IPO11: variants seen among roughly 807,000 people sequenced by gnomAD.
The protein encoded by IPO11 is importin-11.
Under a neutral mutation model 143.2 loss-of-function variants are expected in IPO11, and 66 were observed. The observed-to-expected ratio is 0.46, with a 90% CI of 0.38 to 0.57. The LOEUF is 0.57. Ranked by LOEUF, IPO11 falls within the 20% of genes least tolerant of loss-of-function variation. The pLI is 0.00. For missense variants in IPO11, 1,026 were observed against 1,141.0 expected (o/e 0.90, Z 1.45); for synonymous variants, 385 against 377.8 (o/e 1.02, Z -0.22).
chr5:62,590,177 G>A (rs1744959238), intron 27 of IPO11, among the ~76,000 whole-genome samples: 1 of 152,178 alleles, frequency 6.6e-6, no homozygotes, highest in South Asian at 2.1e-4. Context: ...GGCTGTTCCA[G>A]TTGTCAGCTC....
chr5:62,576,361 T>A (rs1322334436), intron 27 of IPO11: 6 of 152,266 alleles, frequency 3.9e-5, no homozygotes, highest in Admixed American at 3.9e-4. Context: ...GCAAATCCCA[T>A]TTCACATTTT....
intron 6 of IPO11, among the ~76,000 whole-genome samples, chr5:62,469,833 T>C (rs1451474048): frequency 2.0e-5 from 3 of 152,206 alleles, no homozygotes; most frequent in Non-Finnish European, 4.4e-5. Flanking sequence ...GTTTAATTTT[T>C]ATATCGTTTT....
At chr5:62,449,675 A>G in intron 3 of IPO11, 1 of 277,076 alleles carries the variant, frequency 3.6e-6, no homozygotes, top group Non-Finnish European at 6.7e-6. Flanking sequence ...CTGATGTGCC[A>G]GTGTACAAGT....
intron 26 of IPO11, among the ~76,000 whole-genome samples, chr5:62,557,256 T>C (rs1743607038): frequency 6.6e-6 from 1 of 152,098 alleles, no homozygotes; most frequent in South Asian, 2.1e-4. Context: ...CGATCTCAGC[T>C]CACTGCAACC....
chr5:62,492,950 T>C (rs982189085), intron 15 of IPO11, among the ~76,000 whole-genome samples: 3 of 152,240 alleles, frequency 2.0e-5, no homozygotes, highest in Non-Finnish European at 4.4e-5. Context: ...ATATTTATCA[T>C]CTTGCCACTA....
chr5:62,521,402 C>G lies in IPO11; in HGVS notation c.1897-4740C>G, dbSNP rs1205027252. On this transcript the variant is annotated intron_variant, in intron 20 of 29. Transcript: ENST00000325324. Reference sequence around the variant, plus strand: ...TTTTGGAGACTTTTTTTTTCTTTGTCTTAAGACTTCCAAAATTGCTCTGGG... The same window carrying G: ...TTTTGGAGACTTTTTTTTTCTTTGTGTTAAGACTTCCAAAATTGCTCTGGG... Among the ~76,000 whole-genome samples the G allele has an allele frequency of 2.0e-5, 3 of 151,658 alleles. No homozygotes were observed. The East Asian group carries it at 5.8e-4, about 29-fold the overall frequency.
rs182830624 is a variant in IPO11, at chr5:62,506,175, G to A, written c.1666-66G>A. On this transcript the variant is annotated intron_variant, in intron 18 of 29. Transcript: ENST00000325324. The stretch of plus-strand genomic sequence containing the variant: ...TATGATTTATTTCTTACTTCTGTTC[G>A]TATGAATGTAGAGGTCTTTCATTTC... 4.8e-5 allele frequency: 37 copies of A among 769,054 alleles called. 1 individual carries two copies. The highest frequency in any genetic ancestry group is 3.9e-4 in the Middle Eastern group (1 of 2,594). 47.6% of individuals were successfully genotyped at this position (769,054 alleles called of 1,614,324 possible).
chr5:62,427,086 C>T (rs936301848), intron 1 of IPO11, among the ~76,000 whole-genome samples: 3 of 151,406 alleles, frequency 2.0e-5, no homozygotes, highest in Non-Finnish European at 2.9e-5. Flanking sequence ...TACAGGCGCC[C>T]GCCACCACAC....
At chr5:62,511,470 TA>T (rs1449170702) in intron 19 of IPO11, among the ~76,000 whole-genome samples, 1 of 152,110 alleles carries the variant, frequency 6.6e-6, no homozygotes, top group Admixed American at 6.5e-5. Context: ...ATAAATATGT[TA>T]AAATAAGGTA....
intron 5 of IPO11, among the ~76,000 whole-genome samples, chr5:62,460,291 A>G (rs1466070711): frequency 6.6e-6 from 1 of 152,152 alleles, no homozygotes; most frequent in Non-Finnish European, 1.5e-5. Context: ...AATTTTGAAT[A>G]GTATTGACTT....
At chr5:62,474,500 AT>A in intron 8 of IPO11, 36 bp downstream of exon 8, 1 of 1,404,484 alleles carries the variant, frequency 7.1e-7, no homozygotes, top group Non-Finnish European at 9.9e-7. Context: ...TTACTGTAGA[AT>A]TTTTATTCAT....
chr5:62,419,350 T>C (rs1173712940), intron 1 of IPO11, among the ~76,000 whole-genome samples: 1 of 152,236 alleles, frequency 6.6e-6, no homozygotes, highest in African/African-American at 2.4e-5. Context: ...GAAATTTTTT[T>C]CTTCAATAAT....
intron 1 of IPO11, among the ~76,000 whole-genome samples, chr5:62,422,753 A>G (rs1743562057): frequency 6.6e-6 from 1 of 152,226 alleles, no homozygotes. Context: ...TTCCTCTCAC[A>G]GGTCTGCCTC....
chr5:62,438,408 A>G (rs1744318290), intron 2 of IPO11, among the ~76,000 whole-genome samples: 1 of 152,224 alleles, frequency 6.6e-6, no homozygotes, highest in Non-Finnish European at 1.5e-5. Context: ...TCTTTATGTA[A>G]TCTTAGCATC....
chr5:62,594,606 C>CTG (rs1443530462), intron 28 of IPO11, among the ~76,000 whole-genome samples: 1 of 152,188 alleles, frequency 6.6e-6, no homozygotes, highest in East Asian at 1.9e-4. Context: ...CTCGCTGATA[C>CTG]ACCCAGAGTA....
chr5:62,617,371 G>A (rs1394463406), intron 29 of IPO11, among the ~76,000 whole-genome samples: 1 of 152,152 alleles, frequency 6.6e-6, no homozygotes, highest in Non-Finnish European at 1.5e-5. Flanking sequence ...TAATTCACAT[G>A]TTTGGTTTTA....
At chr5:62,558,375 T>C (rs1393503212) in intron 26 of IPO11, among the ~76,000 whole-genome samples, 18 of 152,318 alleles carry the variant, frequency 1.2e-4, no homozygotes, top group South Asian at 2.1e-4. Flanking sequence ...ACTACGTAAA[T>C]ATAGGATTCA....
intron 27 of IPO11, among the ~76,000 whole-genome samples, chr5:62,562,617 G>T (rs1000018489): frequency 1.3e-5 from 2 of 152,182 alleles, no homozygotes; most frequent in African/African-American, 2.4e-5. Context: ...ATGCAGCTTG[G>T]TTCCTAATAG....
In IPO11 at chr5:62,449,970, A is replaced by G; in HGVS notation, c.283A>G (p.Ile95Val). 1 of 1,600,686 alleles carries G rather than the reference A, an allele frequency of 6.2e-7. No individual in the cohort carries two copies. The highest frequency in any genetic ancestry group is 8.5e-7 in the Non-Finnish European group (1 of 1,174,890). ...GAAAACTACTCTGCGTGCAGGGCTC[A>G]TCACCAACTTCAATGAACCAATAAA... ...EEKTTLRAGL[I>V]TNFNEPINQI... Residue 95 changes from isoleucine to valine, a missense_variant, in exon 4 of 30, where the codon ATC becomes GTC. This residue lies in a region of IPO11 where 429 missense variants were observed against 456.3 expected (regional missense o/e 0.94). Coordinates refer to ENST00000325324, the MANE Select transcript of IPO11 (RefSeq NM_016338.5).
Sources: gnomAD v4.1 joint callset for allele counts (sites outside exome capture counted in the v4.1 genomes callset) on GRCh38, gnomAD v4.1.1 for gene constraint, gnomAD v4.1.1 regional missense constraint, MANE v1.5 for transcripts, NCBI Gene and HGNC (gene_info 2026-07-23, HGNC 2026-07-21) for gene names.